ZNF678: variants seen among roughly 807,000 people sequenced by gnomAD.
The protein encoded by ZNF678 is hypothetical protein MGC42493.
In ZNF678, 5 loss-of-function variants were observed where a neutral mutation model predicts 3.0. The observed-to-expected ratio is 1.69, with a 90% CI of 0.88 to 3.56. ZNF678 has a LOEUF of 3.56. Ranked by LOEUF, ZNF678 falls within the 30% of genes most tolerant of loss-of-function variation. ZNF678 has a pLI of 0.00. For synonymous variants in ZNF678, 218 were observed against 199.6 expected (o/e 1.09, Z -0.78); for missense variants, 593 against 605.0 (o/e 0.98, Z 0.21).
At position 227,657,904 on chromosome 1, in the gene ZNF678, C is replaced by G. The variant is rs984889042; in HGVS notation, c.*2076C>G. On this transcript the variant is annotated 3_prime_UTR_variant, in exon 4 of 4. Transcript: ENST00000343776. ...CTGTAAAATCTTATGGCTGCTGGCT[C>G]AGAATCTTCTCATGCAAATCCTGTT... The G allele has an allele frequency of 6.6e-6, 1 of 151,992 alleles. No homozygotes were observed. The highest frequency in any genetic ancestry group is 1.5e-5 in the Non-Finnish European group (1 of 67,902). 9.4% of individuals were successfully genotyped at this position (151,992 alleles called of 1,614,324 possible). A position where few individuals can be genotyped will look rare whatever the true frequency, so the allele number is the denominator to read the frequency against.
At chr1:227,640,470 TGGA>T (rs1287864644) in intron 1 of ZNF678, among the ~76,000 whole-genome samples, 1 of 147,670 alleles carries the variant, frequency 6.8e-6, no homozygotes, top group Admixed American at 6.6e-5. Flanking sequence ...GCAGCGAGAA[TGGA>T]GGAGAAGGGA....
At chr1:227,642,365 A>G (rs958288621) in intron 1 of ZNF678, among the ~76,000 whole-genome samples, 1 of 152,200 alleles carries the variant, frequency 6.6e-6, no homozygotes, top group Non-Finnish European at 1.5e-5. Context: ...TTGGAGAGTA[A>G]AGCCTACCTT....
intron 1 of ZNF678, among the ~76,000 whole-genome samples, chr1:227,571,903 G>A (rs1365115515): frequency 3.3e-5 from 5 of 152,208 alleles, no homozygotes; most frequent in South Asian, 2.1e-4. Context: ...TTAGCTGGAT[G>A]TGGTGGCGGG....
At chr1:227,564,724 G>A (rs897949865) in intron 1 of ZNF678, among the ~76,000 whole-genome samples, 5 of 152,016 alleles carry the variant, frequency 3.3e-5, no homozygotes, top group Admixed American at 3.3e-4. Flanking sequence ...TGCTGTTGTT[G>A]TTTTGTTTGT....
At chr1:227,588,163 C>T (rs1227679700) in intron 1 of ZNF678, among the ~76,000 whole-genome samples, 1 of 152,196 alleles carries the variant, frequency 6.6e-6, no homozygotes, top group Non-Finnish European at 1.5e-5. Flanking sequence ...GACATGATCT[C>T]ATTCCTTTTT....
chr1:227,566,635 G>A (rs1656693885), intron 1 of ZNF678, among the ~76,000 whole-genome samples: 2 of 152,172 alleles, frequency 1.3e-5, no homozygotes, highest in African/African-American at 4.8e-5. Flanking sequence ...TTCTCCCTGA[G>A]TTTGTCACCT....
At chr1:227,670,971 T>TA (rs894370486) in intron 5 of ZNF678, among the ~76,000 whole-genome samples, 74 of 151,692 alleles carry the variant, frequency 4.9e-4, no homozygotes, top group African/African-American at 1.6e-3. Context: ...CCTTTTATTT[T>TA]TTTTTTTTTT....
At chr1:227,598,696 A>T in intron 1 of ZNF678, 1 of 519,822 alleles carries the variant, frequency 1.9e-6, no homozygotes, top group East Asian at 4.3e-5. Flanking sequence ...TTCTTTTTTA[A>T]ACTATCCTTA....
intron 1 of ZNF678, among the ~76,000 whole-genome samples, chr1:227,639,509 GCC>G (rs1435140932): frequency 6.6e-6 from 1 of 152,208 alleles, no homozygotes. Context: ...GTTCCTTCTG[GCC>G]TGATTGGGTC....
rs896631109 is a variant in ZNF678 at position 227,651,155 on chromosome 1, T to A, written c.85+79T>A. On this transcript the variant is annotated intron_variant, in intron 3 of 3. Coordinates refer to ENST00000343776, the MANE Select transcript of ZNF678 (RefSeq NM_001367909.1). ...ATAGTAGAGAGGGGATATACCTGAG[T>A]CCTAAGGTTGTTGGCAGGGTCCACA... 6 of 1,498,908 alleles carry A rather than the reference T, an allele frequency of 4.0e-6. No homozygotes were observed. The African/African-American group carries it at 6.9e-5, about 17-fold the overall frequency. 92.9% of individuals were successfully genotyped at this position (1,498,908 alleles called of 1,614,324 possible). A position where few individuals can be genotyped will look rare whatever the true frequency, so the allele number is the denominator to read the frequency against.
chr1:227,570,817 A>G (rs934040125), intron 1 of ZNF678, among the ~76,000 whole-genome samples: 11 of 152,180 alleles, frequency 7.2e-5, no homozygotes, highest in Non-Finnish European at 1.2e-4. Context: ...ATTAAGAACA[A>G]CATGGTAGAA....
intron 1 of ZNF678, among the ~76,000 whole-genome samples, chr1:227,596,427 C>T (rs369372298): frequency 5.9e-5 from 9 of 152,184 alleles, no homozygotes; most frequent in African/African-American, 1.7e-4. Flanking sequence ...GTAATCAGAA[C>T]GAAACAGAAC....
At chr1:227,640,195 A>G (rs1040449121) in intron 1 of ZNF678, among the ~76,000 whole-genome samples, 4 of 152,160 alleles carry the variant, frequency 2.6e-5, no homozygotes, top group African/African-American at 9.7e-5. Context: ...ATGAGTTTAC[A>G]GGCTTCAGGA....
At position 227,646,529 on chromosome 1, in the gene ZNF678, T is replaced by C. The variant is rs746044799; in HGVS notation, c.-163-15T>C. The C allele has an allele frequency of 3.2e-6, 4 of 1,268,540 alleles. No individual in the cohort carries two copies. The South Asian group carries it at 4.7e-5, about 15-fold the overall frequency. 78.6% of individuals were successfully genotyped at this position (1,268,540 alleles called of 1,614,324 possible). On this transcript the variant is annotated splice_polypyrimidine_tract_variant and intron_variant, in intron 1 of 3. Coordinates refer to ENST00000343776, the MANE Select transcript of ZNF678 (RefSeq NM_001367909.1). ...GCACATTTTGTAAATACGTGTGTAT[T>C]TTTCCCCCCCCCAGGGACTACTGGC...
chr1:227,587,880 T>A (rs1438942951), intron 1 of ZNF678, among the ~76,000 whole-genome samples: 2 of 150,994 alleles, frequency 1.3e-5, no homozygotes, highest in Non-Finnish European at 2.9e-5. Flanking sequence ...GATGTGTAGG[T>A]TTGTTGCATA....
intron 1 of ZNF678, among the ~76,000 whole-genome samples, chr1:227,578,816 C>G (rs574905885): frequency 6.6e-6 from 1 of 152,202 alleles, no homozygotes; most frequent in Non-Finnish European, 1.5e-5. Context: ...AGAAAGCACT[C>G]TAGCTTTTTG....
At chr1:227,624,275 A>G (rs964481751) in intron 1 of ZNF678, among the ~76,000 whole-genome samples, 1 of 152,264 alleles carries the variant, frequency 6.6e-6, no homozygotes, top group African/African-American at 2.4e-5. Flanking sequence ...GGGGCAGAGC[A>G]TGATGGCTGA....
Position 227,659,483 on chromosome 1 carries a change from G to A in ZNF678, c.*3655G>A, listed in dbSNP as rs1376170354. ...TTCTTTAATGTCGTCCATATGATCAGCATCAGCACCAGAAACTCCAGGTGT... is the reference window on the plus strand; with the variant it reads ...TTCTTTAATGTCGTCCATATGATCAACATCAGCACCAGAAACTCCAGGTGT... On this transcript the variant is annotated 3_prime_UTR_variant, in exon 4 of 4. Transcript: ENST00000343776. 1.3e-5 allele frequency: 2 copies of A among 152,224 alleles called. No homozygotes were observed. The highest frequency in any genetic ancestry group is 4.8e-5 in the African/African-American group (2 of 41,538). 9.4% of individuals were successfully genotyped at this position (152,224 alleles called of 1,614,324 possible). A position where few individuals can be genotyped will look rare whatever the true frequency, so the allele number is the denominator to read the frequency against.
intron 1 of ZNF678, among the ~76,000 whole-genome samples, chr1:227,593,750 G>T (rs962380914): frequency 2.0e-5 from 3 of 151,982 alleles, no homozygotes; most frequent in Admixed American, 1.3e-4. Context: ...TAGAATAGAT[G>T]AAAAGAGTTA....
Sources: allele counts gnomAD v4.1 joint callset (sites outside exome capture counted in the v4.1 genomes callset), GRCh38; gene constraint gnomAD v4.1.1; transcripts MANE v1.5; gene names NCBI Gene and HGNC (gene_info 2026-07-23, HGNC 2026-07-21).